Variants in KSR1 observed in about 807,000 individuals in gnomAD.
KSR1 encodes the protein kinase suppressor of ras 1.
Under a neutral mutation model 92.9 loss-of-function variants are expected in KSR1, and 35 were observed. That is an observed-to-expected ratio of 0.38 (90% CI 0.29 to 0.50). KSR1 has a LOEUF of 0.50. Ranked by LOEUF, KSR1 falls within the 20% of genes least tolerant of loss-of-function variation. The pLI is 0.94. For synonymous variants in KSR1, 467 were observed against 472.6 expected (o/e 0.99, Z 0.15); for missense variants, 972 against 1,158.5 (o/e 0.84, Z 2.34).
intron 17 of KSR1, among the ~76,000 whole-genome samples, chr17:27,610,824 T>C (rs1223826806): frequency 6.6e-6 from 1 of 152,212 alleles, no homozygotes; most frequent in African/African-American, 2.4e-5. Flanking sequence ...ACTAAGTCTT[T>C]AAAATCTGGT....
chr17:27,543,472 G>A (rs994277389), intron 1 of KSR1, among the ~76,000 whole-genome samples: 6 of 152,206 alleles, frequency 3.9e-5, no homozygotes, highest in Non-Finnish European at 8.8e-5. Context: ...TGCAGTTCTG[G>A]GGGCTGTGTC....
intron 5 of KSR1, chr17:27,585,932 TG>T: frequency 1.9e-6 from 1 of 520,180 alleles, no homozygotes; most frequent in Non-Finnish European, 3.5e-6. Context: ...TGAAGAGCCC[TG>T]TCTCCACCTT....
chr17:27,624,177 C>T lies in KSR1; in HGVS notation c.*785C>T, dbSNP rs1383559633. The T allele has an allele frequency of 6.6e-6, 1 of 152,402 alleles. No homozygotes were observed. 9.4% of individuals were successfully genotyped at this position (152,402 alleles called of 1,614,324 possible). ...TTTGATGAAGCCCCCAGGCAGGCAC[C>T]AAGGTGATGGGACTCAGGGCCTTGG... On this transcript the variant is annotated 3_prime_UTR_variant, in exon 21 of 21. Transcript: ENST00000644974.
At chr17:27,513,970 T>C (rs2069696568) in intron 1 of KSR1, among the ~76,000 whole-genome samples, 1 of 152,244 alleles carries the variant, frequency 6.6e-6, no homozygotes, top group African/African-American at 2.4e-5. Flanking sequence ...TCGGAAAGGC[T>C]GAGGCTTCAG....
At chr17:27,516,772 C>T (rs1440753912) in intron 1 of KSR1, among the ~76,000 whole-genome samples, 1 of 152,170 alleles carries the variant, frequency 6.6e-6, no homozygotes, top group African/African-American at 2.4e-5. Flanking sequence ...AATGTGAAGA[C>T]CATGACCCAT....
At chr17:27,514,010 A>T (rs1395624073) in intron 1 of KSR1, among the ~76,000 whole-genome samples, 2 of 152,262 alleles carry the variant, frequency 1.3e-5, no homozygotes, top group Non-Finnish European at 2.9e-5. Context: ...CTTGCGGTGC[A>T]GCTAAGCTCT....
At chr17:27,549,392 T>G (rs2071309838) in intron 1 of KSR1, among the ~76,000 whole-genome samples, 1 of 152,214 alleles carries the variant, frequency 6.6e-6, no homozygotes, top group Non-Finnish European at 1.5e-5. Flanking sequence ...CGAGCCTAAC[T>G]GGCCTCTGTT....
intron 1 of KSR1, among the ~76,000 whole-genome samples, chr17:27,509,657 A>G (rs560086705): frequency 3.8e-4 from 28 of 73,914 alleles, no homozygotes; most frequent in African/African-American, 1.3e-3. Context: ...GTTTGTCTCT[A>G]GTTTAAAACA....
intron 1 of KSR1, among the ~76,000 whole-genome samples, chr17:27,477,283 A>T (rs920301029): frequency 6.6e-6 from 1 of 152,180 alleles, no homozygotes; most frequent in Non-Finnish European, 1.5e-5. Flanking sequence ...GTGCCTAACC[A>T]TCTGGGAATG....
chr17:27,614,648 T>C (rs915160797), intron 18 of KSR1, among the ~76,000 whole-genome samples: 1 of 152,196 alleles, frequency 6.6e-6, no homozygotes, highest in African/African-American at 2.4e-5. Flanking sequence ...GATCATAGTT[T>C]TTTTATTTTT....
chr17:27,592,038 C>T (rs1366048931), intron 7 of KSR1, among the ~76,000 whole-genome samples: 1 of 152,068 alleles, frequency 6.6e-6, no homozygotes, highest in Non-Finnish European at 1.5e-5. Flanking sequence ...TGAGCTTTTT[C>T]AATATGGGTA....
chr17:27,621,820 G>C (rs2074231284), intron 20 of KSR1: 5 of 1,048,644 alleles, frequency 4.8e-6, no homozygotes, highest in Non-Finnish European at 2.9e-6. Flanking sequence ...GGAAGAGAAA[G>C]GGAGTCCCCT....
At chr17:27,537,017 G>A (rs2151056575) in intron 1 of KSR1, among the ~76,000 whole-genome samples, 1 of 152,364 alleles carries the variant, frequency 6.6e-6, no homozygotes, top group East Asian at 1.9e-4. Flanking sequence ...CAATGGGGAA[G>A]AAGAACCCTC....
At chr17:27,583,816 G>A (rs2072869439) in intron 4 of KSR1, among the ~76,000 whole-genome samples, 1 of 152,010 alleles carries the variant, frequency 6.6e-6, no homozygotes, top group Non-Finnish European at 1.5e-5. Context: ...TATATATTTT[G>A]AACAAGTGAG....
intron 9 of KSR1, among the ~76,000 whole-genome samples, chr17:27,595,752 C>CT (rs1435871543): frequency 1.3e-5 from 2 of 151,848 alleles, no homozygotes; most frequent in Non-Finnish European, 2.9e-5. Context: ...CTTCCCAGGC[C>CT]TGTCTGGTGG....
At chr17:27,578,064 G>A (rs2072592996) in intron 3 of KSR1, 2 of 303,256 alleles carry the variant, frequency 6.6e-6, no homozygotes, top group Non-Finnish European at 1.3e-5. Context: ...AGGGTGATTA[G>A]GGAAACTCTA....
intron 9 of KSR1, among the ~76,000 whole-genome samples, chr17:27,596,615 G>T: frequency 6.6e-6 from 1 of 152,230 alleles, no homozygotes; most frequent in East Asian, 1.9e-4. Context: ...ATGGCAGACC[G>T]CACTAGCCCA....
rs1359458470 is a variant in KSR1 at position 27,559,814 on chromosome 17, C to T, written c.372+9106C>T. ...GACCCTGAGGATGAGGAAATCAGAGCGCTTGTGAAGCGCGTGAGGAGGAGT... is the reference window on the plus strand; with the variant it reads ...GACCCTGAGGATGAGGAAATCAGAGTGCTTGTGAAGCGCGTGAGGAGGAGT... On this transcript the variant is annotated intron_variant, in intron 2 of 20. Coordinates refer to ENST00000644974, the MANE Select transcript of KSR1 (RefSeq NM_001394583.1). The surrounding 1 kb of genome is among the most constrained non-coding windows in gnomAD (Gnocchi z 4.2). Among the ~76,000 whole-genome samples, 5 of 152,166 alleles carry T rather than the reference C, an allele frequency of 3.3e-5. No individual in the cohort carries two copies. In the South Asian group the frequency reaches 6.2e-4, roughly 19 times the overall value.
chr17:27,573,743 G>A (rs1424291278), intron 2 of KSR1, among the ~76,000 whole-genome samples: 1 of 152,202 alleles, frequency 6.6e-6, no homozygotes, highest in Non-Finnish European at 1.5e-5. Flanking sequence ...TGCGCACGTG[G>A]GTTTCAATTC....
Sources: gnomAD v4.1 joint callset for allele counts (sites outside exome capture counted in the v4.1 genomes callset) on GRCh38, gnomAD v4.1.1 for gene constraint, Gnocchi (gnomAD v3.1) non-coding constraint, MANE v1.5 for transcripts, NCBI Gene and HGNC (gene_info 2026-07-23, HGNC 2026-07-21) for gene names.